The following LCMT1 variants were observed in gnomAD, a reference collection of about 807,000 sequenced individuals.
LCMT1 encodes the protein leucine carboxyl methyltransferase 1.
In LCMT1, 32 loss-of-function variants were observed where a neutral mutation model predicts 47.7. That is an observed-to-expected ratio of 0.67 (90% CI 0.51 to 0.90). The LOEUF (loss-of-function observed/expected upper bound fraction) is 0.90, where lower values mean the gene tolerates loss of function less well. Ranked by LOEUF, LCMT1 falls within the 40% of genes least tolerant of loss-of-function variation. The pLI, the probability that LCMT1 is intolerant of heterozygous loss-of-function variation, is 0.00. For synonymous variants in LCMT1, 152 were observed against 149.7 expected (o/e 1.02, Z -0.11); for missense variants, 375 against 415.2 (o/e 0.90, Z 0.84).
intron 10 of LCMT1, among the ~76,000 whole-genome samples, chr16:25,176,550 C>CTTTTTTTTTTTTTTTTTTTTTTTTTT: frequency 2.3e-5 from 1 of 44,260 alleles, no homozygotes; most frequent in Non-Finnish European, 3.6e-5. Flanking sequence ...TTTTTTTTGG[C>CTTTTTTTTTTTTTTTTTTTTTTTTTT]TTTTTTTTTT....
rs146292957 is a variant in LCMT1 at position 25,154,982 on chromosome 16, A to C, written c.466+3367A>C. Among the ~76,000 whole-genome samples, 185 of 152,338 alleles carry C rather than the reference A, an allele frequency of 1.2e-3. 1 individual carries two copies. Among genetic ancestry groups the C allele is most frequent in the African/African-American group, 4.3e-3 (179 of 41,576 alleles). ...TGTGAATGAAAATTTGGGCGAACTG[A>C]TACGTGATCTTAAAACTGACAAAAA... On this transcript the variant is annotated intron_variant, in intron 5 of 10. Coordinates refer to ENST00000399069, the MANE Select transcript of LCMT1 (RefSeq NM_016309.3).
At position 25,111,782 on chromosome 16, in the gene LCMT1, C is replaced by T. The variant is rs984046438; in HGVS notation, c.-102C>T. 3.9e-5 allele frequency: 31 copies of T among 790,776 alleles called. No individual in the cohort carries two copies. The highest frequency in any genetic ancestry group is 3.2e-4 in the South Asian group (21 of 65,648). The allele number at this position is 790,776 out of a possible 1,614,324, so 49.0% of individuals were successfully genotyped here. On this transcript the variant is annotated 5_prime_UTR_variant, in exon 1 of 11. Transcript: ENST00000399069. ...CAGCTGAGCCAGGTAGGGCCCTACC[C>T]TCTTCTGTTGCTTTCTCCCTGTGGC...
At chr16:25,171,449 A>C (rs546157009) in intron 9 of LCMT1, among the ~76,000 whole-genome samples, 175 of 152,194 alleles carry the variant, frequency 1.1e-3, no homozygotes, top group African/African-American at 4.1e-3. Flanking sequence ...AAAAAACCCC[A>C]AAAAACAAGA....
Position 25,160,655 on chromosome 16 carries a change from T to C in LCMT1, c.467-447T>C, listed in dbSNP as rs1216281602. 3 of 458,348 alleles carry C rather than the reference T, an allele frequency of 6.5e-6. No homozygotes were observed. The Admixed American group carries it at 7.0e-5, about 11-fold the overall frequency. The allele number at this position is 458,348 out of a possible 1,614,324, so 28.4% of individuals were successfully genotyped here. A position where few individuals can be genotyped will look rare whatever the true frequency, so the allele number is the denominator to read the frequency against. On this transcript the variant is annotated intron_variant, in intron 5 of 10. Transcript: ENST00000399069. ...TGCCTAGATGGGGAAAACTTAGAAATACCATGTCTCATAGTGAGGGATTGG... is the reference window on the plus strand; with the variant it reads ...TGCCTAGATGGGGAAAACTTAGAAACACCATGTCTCATAGTGAGGGATTGG...
intron 2 of LCMT1, 40 bp from the exon 3 acceptor site, chr16:25,132,359 TCAC>T (rs1239896253): frequency 6.2e-7 from 1 of 1,609,840 alleles, no homozygotes; most frequent in Non-Finnish European, 8.5e-7. Context: ...ATTTCTGTCA[TCAC>T]TGGGTGATAG....
chr16:25,176,713 C>T (rs1287405174), intron 10 of LCMT1, among the ~76,000 whole-genome samples: 1 of 150,410 alleles, frequency 6.6e-6, no homozygotes, highest in Non-Finnish European at 1.5e-5. Flanking sequence ...AGGCGTCCAC[C>T]ACCATGTCCA....
chr16:25,141,178 G>A (rs1474669552), intron 4 of LCMT1: 1 of 152,092 alleles, frequency 6.6e-6, no homozygotes, highest in African/African-American at 2.4e-5. Flanking sequence ...TTACCAAAAG[G>A]TTAAAAACAC....
intron 6 of LCMT1, among the ~76,000 whole-genome samples, chr16:25,163,730 A>G (rs1479973497): frequency 1.3e-5 from 2 of 152,198 alleles, no homozygotes; most frequent in Admixed American, 6.5e-5. Flanking sequence ...TCTGGGGACC[A>G]TGGATAGCTT....
chr16:25,154,032 T>C (rs192945975), intron 5 of LCMT1, among the ~76,000 whole-genome samples: 3 of 152,094 alleles, frequency 2.0e-5, no homozygotes, highest in Admixed American at 2.0e-4. Context: ...TTTTTTGAGA[T>C]GGAGTCTCCC....
intron 1 of LCMT1, among the ~76,000 whole-genome samples, chr16:25,127,881 GTAGTA>G (rs35786780): frequency 0.73 from 110,909 of 151,602 alleles, 40,740 homozygotes; most frequent in Middle Eastern, 0.78. Context: ...TTAATTCCTT[GTAGTA>G]TAGACTGGCT....
At chr16:25,132,731 ATTG>A (rs1398219165) in intron 3 of LCMT1, among the ~76,000 whole-genome samples, 1 of 151,974 alleles carries the variant, frequency 6.6e-6, no homozygotes, top group East Asian at 1.9e-4. Flanking sequence ...GTTGTCTCTA[ATTG>A]TTGTTACAAA....
At chr16:25,158,295 G>A (rs989092607) in intron 5 of LCMT1, among the ~76,000 whole-genome samples, 1 of 152,200 alleles carries the variant, frequency 6.6e-6, no homozygotes, top group Admixed American at 6.5e-5. Flanking sequence ...GGCATTACAG[G>A]TGTGCACCAC....
chr16:25,156,368 A>C (rs930089081), intron 5 of LCMT1, among the ~76,000 whole-genome samples: 2 of 152,226 alleles, frequency 1.3e-5, no homozygotes, highest in Non-Finnish European at 2.9e-5. Context: ...AGCAGTGCCT[A>C]GTGCACAGAC....
chr16:25,177,513 T>C (rs1049319150), intron 10 of LCMT1, among the ~76,000 whole-genome samples: 4 of 152,262 alleles, frequency 2.6e-5, no homozygotes, highest in African/African-American at 9.6e-5. Context: ...CTTTATAATA[T>C]TGTATTATGT....
At chr16:25,113,074 G>C (rs1001174549) in intron 1 of LCMT1, among the ~76,000 whole-genome samples, 27 of 147,622 alleles carry the variant, frequency 1.8e-4, no homozygotes, top group Admixed American at 7.6e-4. Flanking sequence ...CCGGGAGGCA[G>C]AGGTTGCAGT....
chr16:25,176,052 C>G (rs1961922385), intron 10 of LCMT1, among the ~76,000 whole-genome samples: 1 of 152,202 alleles, frequency 6.6e-6, no homozygotes, highest in Non-Finnish European at 1.5e-5. Flanking sequence ...ATCAGTACAT[C>G]TTGCTTACAA....
intron 1 of LCMT1, among the ~76,000 whole-genome samples, chr16:25,114,371 C>T (rs1363624267): frequency 6.6e-6 from 1 of 152,136 alleles, no homozygotes; most frequent in Non-Finnish European, 1.5e-5. Context: ...ATCACCACCC[C>T]CCTCATTGTC....
chr16:25,118,921 G>T (rs1959883419), intron 1 of LCMT1, among the ~76,000 whole-genome samples: 1 of 152,152 alleles, frequency 6.6e-6, no homozygotes, highest in Non-Finnish European at 1.5e-5. Context: ...TCCTCTCAGT[G>T]GGGTGGGAGC....
chr16:25,132,723 T>C (rs1209768911), intron 3 of LCMT1, among the ~76,000 whole-genome samples, 200 bp downstream of exon 3: 1 of 152,022 alleles, frequency 6.6e-6, no homozygotes, highest in Non-Finnish European at 1.5e-5. Context: ...TATTTTAGGT[T>C]GTCTCTAATT....
Sources: gnomAD v4.1 joint callset for allele counts (sites outside exome capture counted in the v4.1 genomes callset) on GRCh38, gnomAD v4.1.1 for gene constraint, MANE v1.5 for transcripts, NCBI Gene and HGNC (gene_info 2026-07-23, HGNC 2026-07-21) for gene names.